The following ZNF385B variants were observed in gnomAD, a reference collection of about 807,000 sequenced individuals.
The protein encoded by ZNF385B is zinc finger protein 533.
A neutral mutation model predicts 39.2 loss-of-function variants in ZNF385B; 23 were observed. The ratio of observed to expected loss-of-function variants is 0.59; its 90% confidence interval spans 0.42 to 0.83. The LOEUF (loss-of-function observed/expected upper bound fraction) is 0.83. Among genes scored for constraint, ZNF385B ranks in the 40% least tolerant of loss-of-function variants. The probability of loss-of-function intolerance (pLI) is 0.00; values close to 1 mark genes in which losing one functional copy is unlikely to be tolerated. For missense variants in ZNF385B, 552 were observed against 598.9 expected, an observed-to-expected ratio of 0.92 and a Z score of 0.82; for synonymous variants, 205 against 222.6, an observed-to-expected ratio of 0.92 and a Z score of 0.70.
At chr2:179,569,949 C>A (rs1228642745) in intron 3 of ZNF385B, among the ~76,000 whole-genome samples, 1 of 152,098 alleles carries the variant, frequency 6.6e-6, no homozygotes, top group African/African-American at 2.4e-5. Context: ...CAACATGACC[C>A]CTATGTAATA....
At chr2:179,681,678 C>T (rs1229136435) in intron 3 of ZNF385B, among the ~76,000 whole-genome samples, 1 of 152,154 alleles carries the variant, frequency 6.6e-6, no homozygotes, top group African/African-American at 2.4e-5. Context: ...ACTTAATTGA[C>T]ATCTTCTACA....
At chr2:179,623,698 G>A (rs1479703013) in intron 3 of ZNF385B, among the ~76,000 whole-genome samples, 1 of 152,122 alleles carries the variant, frequency 6.6e-6, no homozygotes, top group Non-Finnish European at 1.5e-5. Flanking sequence ...CATGAATCCA[G>A]GCTCTGGTTC....
rs1489385111 is a variant in ZNF385B, at chr2:179,861,334, C to T, written c.-388G>A. ...GGCCCCTGAACTGTCCAACTCTTGC[C>T]CGCGCCGGGCTTAAGCGCCCGGCCG... On this transcript the variant is annotated 5_prime_UTR_variant, in exon 1 of 10. Coordinates refer to ENST00000410066, the MANE Select transcript of ZNF385B (RefSeq NM_152520.6). 6.6e-6 allele frequency: 1 copy of T among 151,300 alleles called. No individual in the cohort carries two copies. The highest frequency in any genetic ancestry group is 6.6e-5 in the Admixed American group (1 of 15,170). 9.4% of individuals were successfully genotyped at this position (151,300 alleles called of 1,614,324 possible).
intron 3 of ZNF385B, among the ~76,000 whole-genome samples, chr2:179,691,224 T>C (rs1698328449): frequency 6.6e-6 from 1 of 152,212 alleles, no homozygotes; most frequent in Admixed American, 6.5e-5. Flanking sequence ...CATCCAGAAC[T>C]TTCAAACCCT....
At chr2:179,609,940 C>G (rs1416960722) in intron 3 of ZNF385B, among the ~76,000 whole-genome samples, 1 of 152,104 alleles carries the variant, frequency 6.6e-6, no homozygotes, top group Non-Finnish European at 1.5e-5. Flanking sequence ...TGCTTGAGTT[C>G]CATATATATT....
intron 3 of ZNF385B, among the ~76,000 whole-genome samples, chr2:179,709,557 C>CT (rs1457123747): frequency 6.6e-6 from 1 of 152,196 alleles, no homozygotes; most frequent in Non-Finnish European, 1.5e-5. Context: ...ATGAGCTAGC[C>CT]TGCATATGTC....
At chr2:179,487,814 G>A (rs1424886245) in intron 5 of ZNF385B, among the ~76,000 whole-genome samples, 1 of 152,142 alleles carries the variant, frequency 6.6e-6, no homozygotes, top group Non-Finnish European at 1.5e-5. Flanking sequence ...GAATTAGAAA[G>A]AGTCGCCCAA....
At chr2:179,540,053 G>A (rs767649353) in intron 4 of ZNF385B, among the ~76,000 whole-genome samples, 6 of 152,206 alleles carry the variant, frequency 3.9e-5, no homozygotes, top group Non-Finnish European at 8.8e-5. Context: ...GACAAAGAAT[G>A]TAGTAAATAC....
intron 9 of ZNF385B, 34 bp from the exon 10 acceptor site, chr2:179,443,502 G>A: frequency 6.6e-7 from 1 of 1,522,104 alleles, no homozygotes; most frequent in Non-Finnish European, 9.0e-7. Context: ...ATGGGGTGGA[G>A]ATCCTGTTTT....
At chr2:179,617,933 T>C (rs770884651) in intron 3 of ZNF385B, among the ~76,000 whole-genome samples, 11 of 152,196 alleles carry the variant, frequency 7.2e-5, no homozygotes, top group Non-Finnish European at 1.2e-4. Context: ...AAAGTTAGCA[T>C]TAGCTATGCT....
At chr2:179,584,374 A>T (rs892884353) in intron 3 of ZNF385B, among the ~76,000 whole-genome samples, 3 of 152,216 alleles carry the variant, frequency 2.0e-5, no homozygotes, top group Non-Finnish European at 4.4e-5. Flanking sequence ...GCAATGCAGT[A>T]TAAAATACTA....
At chr2:179,856,418 C>A (rs969127225) in intron 1 of ZNF385B, among the ~76,000 whole-genome samples, 1 of 151,996 alleles carries the variant, frequency 6.6e-6, no homozygotes, top group African/African-American at 2.4e-5. Context: ...GTAACCCACG[C>A]CCTTCATCTA....
chr2:179,595,450 T>G (rs749789368), intron 3 of ZNF385B, among the ~76,000 whole-genome samples: 2 of 152,118 alleles, frequency 1.3e-5, no homozygotes, highest in African/African-American at 4.8e-5. Context: ...ATAGGTCACA[T>G]GGGCCTAAGA....
intron 3 of ZNF385B, among the ~76,000 whole-genome samples, chr2:179,583,275 C>A (rs532748862): frequency 6.6e-6 from 1 of 152,034 alleles, no homozygotes; most frequent in Non-Finnish European, 1.5e-5. Context: ...TCAAAGCAAT[C>A]CTGTATTTCA....
chr2:179,815,945 G>A (rs1229428627), intron 1 of ZNF385B, among the ~76,000 whole-genome samples: 2 of 151,830 alleles, frequency 1.3e-5, no homozygotes, highest in Non-Finnish European at 2.9e-5. Context: ...TTATTCACAA[G>A]GTGATCTCAT....
intron 3 of ZNF385B, among the ~76,000 whole-genome samples, chr2:179,600,051 C>G (rs1343479947): frequency 2.0e-5 from 3 of 152,152 alleles, no homozygotes; most frequent in Non-Finnish European, 4.4e-5. Context: ...ATCCACTAAC[C>G]TGTATTGTGA....
chr2:179,717,512 T>G (rs1297523649), intron 3 of ZNF385B, among the ~76,000 whole-genome samples: 1 of 152,164 alleles, frequency 6.6e-6, no homozygotes, highest in Non-Finnish European at 1.5e-5. Context: ...GTGGGAGGAT[T>G]ACTTGAGCCC....
intron 3 of ZNF385B, among the ~76,000 whole-genome samples, chr2:179,677,908 T>G (rs1697064112): frequency 6.6e-6 from 1 of 152,214 alleles, no homozygotes; most frequent in South Asian, 2.1e-4. Flanking sequence ...GAGTTCTCAG[T>G]ACTTCCAATT....
At chr2:179,505,475 G>A (rs953172321) in intron 5 of ZNF385B, among the ~76,000 whole-genome samples, 3 of 152,124 alleles carry the variant, frequency 2.0e-5, no homozygotes, top group Non-Finnish European at 4.4e-5. Context: ...AAAAATTCAT[G>A]ACATATAAAA....
Sources: gnomAD v4.1 joint callset for allele counts (sites outside exome capture counted in the v4.1 genomes callset) on GRCh38, gnomAD v4.1.1 for gene constraint, MANE v1.5 for transcripts, NCBI Gene and HGNC (gene_info 2026-07-23, HGNC 2026-07-21) for gene names.